The following LPL variants were observed in gnomAD, a reference collection of about 807,000 sequenced individuals.
The protein encoded by LPL is phospholipase A1.
A neutral mutation model predicts 52.2 loss-of-function variants in LPL; 43 were observed. That is an observed-to-expected ratio of 0.82 (90% CI 0.64 to 1.06). LPL has a LOEUF of 1.06. LPL is among the 50% of genes least tolerant of loss of function. The probability of loss-of-function intolerance (pLI) is 0.00; values close to 1 mark genes in which losing one functional copy is unlikely to be tolerated. For missense variants in LPL, 639 were observed against 585.3 expected (o/e 1.09, Z -0.95); for synonymous variants, 244 against 215.6 (o/e 1.13, Z -1.15).
intron 2 of LPL, 94 bp downstream of exon 2, chr8:19,948,434 C>T: frequency 2.1e-6 from 3 of 1,400,128 alleles, no homozygotes; most frequent in South Asian, 2.6e-5. Context: ...GGGTCCGCAC[C>T]CCACATCTCA....
intron 1 of LPL, among the ~76,000 whole-genome samples, chr8:19,941,098 A>G (rs2069835137): frequency 6.6e-6 from 1 of 152,198 alleles, no homozygotes; most frequent in Non-Finnish European, 1.5e-5. Context: ...TCATAAAATT[A>G]AAACAAAACA....
rs1183778834 is a variant in LPL, at chr8:19,950,800, C to A, written c.250-969C>A. Among the ~76,000 whole-genome samples, 1 of 146,050 alleles carries A rather than the reference C, an allele frequency of 6.8e-6. No individual in the cohort carries two copies. The highest frequency in any genetic ancestry group is 7.0e-5 in the Admixed American group (1 of 14,246). ...GCCTGGGCGAGACAGTAAGACTCTG[C>A]CAAAAGAAAGGAAAGAAAGGAGGGA... On this transcript the variant is annotated intron_variant, in intron 2 of 9. Coordinates refer to ENST00000650287, the MANE Select transcript of LPL (RefSeq NM_000237.3). This position sits in a 1 kb window ranked among gnomAD's most constrained non-coding sequence, Gnocchi z 4.2.
At chr8:19,964,562 T>C (rs867046577) in intron 9 of LPL, among the ~76,000 whole-genome samples, 3 of 152,168 alleles carry the variant, frequency 2.0e-5, no homozygotes, top group Admixed American at 2.0e-4. Context: ...GACAGTCTCG[T>C]TCTGTTGCCC....
Position 19,966,834 on chromosome 8 carries a change from A to C in LPL, c.*1524A>C, listed in dbSNP as rs2070094075. 6.6e-6 allele frequency: 1 copy of C among 152,326 alleles called. No homozygotes were observed. The highest frequency in any genetic ancestry group is 1.5e-5 in the Non-Finnish European group (1 of 68,032). 9.4% of individuals were successfully genotyped at this position (152,326 alleles called of 1,614,324 possible). On this transcript the variant is annotated 3_prime_UTR_variant, in exon 10 of 10. Transcript: ENST00000650287. ...CAGGCTTGGAATGAATTCTCTCTAA[A>C]AATAAAATGATGTATGATTTGTTGT...
chr8:19,948,162 C>A lies in LPL; in HGVS notation c.89-18C>A, dbSNP rs1210207889. 1 of 1,613,434 alleles carries A rather than the reference C, an allele frequency of 6.2e-7. No individual in the cohort carries two copies. The highest frequency in any genetic ancestry group is 1.3e-5 in the African/African-American group (1 of 74,966). ...AGCAACCCTCCAGTTAACCTCATAT[C>A]CAATTTTTCCTTTCCAGAAAGAAGA... On this transcript the variant is annotated intron_variant, in intron 1 of 9. Coordinates refer to ENST00000650287, the MANE Select transcript of LPL (RefSeq NM_000237.3).
Position 19,949,769 on chromosome 8 carries a change from C to T in LPL, c.249+1429C>T, listed in dbSNP as rs550706664. Among the ~76,000 whole-genome samples, 4 of 152,332 alleles carry T rather than the reference C, an allele frequency of 2.6e-5. No homozygotes were observed. The South Asian group carries it at 8.3e-4, about 32-fold the overall frequency. On this transcript the variant is annotated intron_variant, in intron 2 of 9. Coordinates refer to ENST00000650287, the MANE Select transcript of LPL (RefSeq NM_000237.3). The stretch of plus-strand genomic sequence containing the variant: ...AAGTGTTGGGATGACAGGCGAGAGC[C>T]ACTGCATCTGGCCCAGAAAAAGGAA...
intron 2 of LPL, among the ~76,000 whole-genome samples, chr8:19,949,855 A>G (rs566793236): frequency 9.2e-5 from 14 of 152,360 alleles, no homozygotes; most frequent in African/African-American, 3.1e-4. Context: ...AAAAAATCTG[A>G]GCTTAATAAA....
At chr8:19,942,884 G>A (rs915540293) in intron 1 of LPL, among the ~76,000 whole-genome samples, 5 of 152,228 alleles carry the variant, frequency 3.3e-5, no homozygotes, top group African/African-American at 4.8e-5. Context: ...ATATATGTAA[G>A]TTCTGCCGGA....
chr8:19,948,142 C>A (rs764235923), intron 1 of LPL, 38 bp from the exon 2 acceptor site: 4 of 1,597,012 alleles, frequency 2.5e-6, no homozygotes, highest in South Asian at 2.2e-5. Flanking sequence ...AATCAAGCAA[C>A]CCTCCAGTTA....
At chr8:19,940,615 GACA>G (rs1324247034) in intron 1 of LPL, among the ~76,000 whole-genome samples, 5 of 152,264 alleles carry the variant, frequency 3.3e-5, no homozygotes, top group Non-Finnish European at 7.3e-5. Context: ...CATAACACGG[GACA>G]ACATTTCCTT....
chr8:19,942,261 G>C (rs1046978452), intron 1 of LPL, among the ~76,000 whole-genome samples: 2 of 152,164 alleles, frequency 1.3e-5, no homozygotes, highest in Non-Finnish European at 2.9e-5. Flanking sequence ...AAAATGCCTT[G>C]CAACTTACAA....
chr8:19,940,442 A>T (rs1371289898), intron 1 of LPL, among the ~76,000 whole-genome samples: 1 of 152,194 alleles, frequency 6.6e-6, no homozygotes, highest in Non-Finnish European at 1.5e-5. Flanking sequence ...CAGCGAGCAC[A>T]ACGGTGGTCA....
chr8:19,965,058 A>G (rs1425799995), intron 9 of LPL, among the ~76,000 whole-genome samples: 1 of 152,158 alleles, frequency 6.6e-6, no homozygotes, highest in Non-Finnish European at 1.5e-5. Flanking sequence ...TTTAGAAGTC[A>G]TTTGGCCCAG....
intron 4 of LPL, 64 bp downstream of exon 4, chr8:19,953,485 T>A: frequency 7.8e-7 from 1 of 1,278,636 alleles, no homozygotes; most frequent in Non-Finnish European, 1.1e-6. Flanking sequence ...TGAGAGAGAA[T>A]CAGAACAAAT....
In LPL at chr8:19,959,151, C is replaced by T. The variant is rs908973516; in HGVS notation, c.1019-109C>T. On this transcript the variant is annotated intron_variant, in intron 6 of 9. Transcript: ENST00000650287. ...CAGTGGTTCCATGTGTGTGCACTTC[C>T]GGTTTGAGTGCTAGTGAGATACTTC... 28 of 1,364,996 alleles carry T rather than the reference C, an allele frequency of 2.1e-5. No individual in the cohort carries two copies. In the African/African-American group the frequency reaches 2.4e-4, roughly 12 times the overall value. The allele number at this position is 1,364,996 out of a possible 1,614,324, so 84.6% of individuals were successfully genotyped here. A position where few individuals can be genotyped will look rare whatever the true frequency, so the allele number is the denominator to read the frequency against.
In LPL at chr8:19,944,225, G is replaced by A. The variant is rs931323752; in HGVS notation, c.89-3955G>A. 1.3e-5 allele frequency among the ~76,000 whole-genome samples: 2 copies of A among 152,122 alleles called. No homozygotes were observed. Among genetic ancestry groups the A allele is most frequent in the South Asian group, 4.1e-4 (2 of 4,824 alleles). On this transcript the variant is annotated intron_variant, in intron 1 of 9. Coordinates refer to ENST00000650287, the MANE Select transcript of LPL (RefSeq NM_000237.3). The surrounding 1 kb of genome is among the most constrained non-coding windows in gnomAD (Gnocchi z 4.2). ...AAATAAAATGAAATAAAGTAAAGCT[G>A]CATGTTAGAGAAGTCAAGAGCATTA... is the stretch of plus-strand genomic sequence containing the variant.
chr8:19,949,732 C>A (rs1366342039), intron 2 of LPL, among the ~76,000 whole-genome samples: 1 of 152,248 alleles, frequency 6.6e-6, no homozygotes, highest in African/African-American at 2.4e-5. Flanking sequence ...ATCTACCCAC[C>A]TTGGCCTCCC....
rs762546050 is a variant in LPL at position 19,959,242 on chromosome 8, G to A, written c.1019-18G>A. On this transcript the variant is annotated intron_variant, in intron 6 of 9. Transcript: ENST00000650287. ...TTCATAAAGATTGATCAACATGTTC[G>A]AATTTCCTCCCCAACAGTCTTCCAT... 15 of 1,613,830 alleles carry A rather than the reference G, an allele frequency of 9.3e-6. No individual in the cohort carries two copies. The Admixed American group carries it at 1.3e-4, about 14-fold the overall frequency.
At chr8:19,960,407 T>G (rs2070027559) in intron 7 of LPL, among the ~76,000 whole-genome samples, 1 of 152,164 alleles carries the variant, frequency 6.6e-6, no homozygotes, top group African/African-American at 2.4e-5. Context: ...AAACCCAGTA[T>G]CCAACATTGA....
Sources: gnomAD v4.1 joint callset for allele counts (sites outside exome capture counted in the v4.1 genomes callset) on GRCh38, gnomAD v4.1.1 for gene constraint, Gnocchi (gnomAD v3.1) non-coding constraint, MANE v1.5 for transcripts, NCBI Gene and HGNC (gene_info 2026-07-23, HGNC 2026-07-21) for gene names.